KIF7: variants seen among roughly 807,000 people sequenced by gnomAD.
The protein encoded by KIF7 is kinesin-like protein KIF7.
In KIF7, 104 loss-of-function variants were observed where a neutral mutation model predicts 135.7. The ratio of observed to expected loss-of-function variants is 0.77; its 90% CI spans 0.65 to 0.90. The LOEUF is 0.90. Among genes scored for constraint, KIF7 ranks in the 40% least tolerant of loss-of-function variants. The pLI is 0.00. For synonymous variants in KIF7, 883 were observed against 809.4 expected, an observed-to-expected ratio of 1.09 and a Z score of -1.54; for missense variants, 2,005 against 1,839.1, an observed-to-expected ratio of 1.09 and a Z score of -1.65.
chr15:89,640,824 TA>T (rs10716351), intron 11 of KIF7, among the ~76,000 whole-genome samples: 104,892 of 134,552 alleles, frequency 0.78, 41,866 homozygotes, highest in Non-Finnish European at 0.9. Context: ...TGTCTCTACT[TA>T]AAAAAAAAAA....
intron 11 of KIF7, among the ~76,000 whole-genome samples, chr15:89,639,934 C>T (rs1167098802): frequency 1.3e-5 from 2 of 152,186 alleles, no homozygotes; most frequent in Non-Finnish European, 2.9e-5. Flanking sequence ...AAATGTGGCA[C>T]TTATACACCA....
rs1294321238 is a variant in KIF7 at position 89,618,021 on chromosome 15, C to A, written c.*75+8G>T. ...TCTTGACAATAATCACGTATGAGAG[C>A]CCTTTACCAGCACTGGTGTTATCAG... On this transcript the variant is annotated splice_region_variant and intron_variant and NMD_transcript_variant, in intron 2 of 2. Coordinates refer to the KIF7 transcript ENST00000558928. The A allele has an allele frequency of 1.2e-5, 11 of 904,210 alleles. No homozygotes were observed. In the East Asian group the frequency reaches 2.2e-4, roughly 18 times the overall value. The allele number at this position is 904,210 out of a possible 1,614,324, so 56.0% of individuals were successfully genotyped here.
the KIF7 span, among the ~76,000 whole-genome samples, chr15:89,661,044 C>A: frequency 2.6e-5 from 4 of 152,120 alleles, no homozygotes; most frequent in African/African-American, 9.7e-5. Flanking sequence ...GACCTATGAA[C>A]ATAAAAATAA....
chr15:89,646,802 C>G (rs754959093), intron 7 of KIF7, 28 bp downstream of exon 7: 1 of 1,607,262 alleles, frequency 6.2e-7, no homozygotes, highest in South Asian at 1.1e-5. Context: ...GCAGGGCCCA[C>G]AGACACCCAG....
intron 1 of KIF7, among the ~76,000 whole-genome samples, chr15:89,619,512 A>G (rs1175126785): frequency 6.6e-6 from 1 of 152,078 alleles, no homozygotes; most frequent in African/African-American, 2.4e-5. Flanking sequence ...GTGTTTTTTT[A>G]ATACCTTGTT....
Position 89,646,881 on chromosome 15 carries a change from C to T in KIF7, c.1737G>A (p.Val579=). 1 of 1,614,078 alleles carries T rather than the reference C, an allele frequency of 6.2e-7. No individual in the cohort carries two copies. Among genetic ancestry groups the T allele is most frequent in the Non-Finnish European group, 8.5e-7 (1 of 1,180,026 alleles). Residue 579 remains valine (V), a synonymous_variant, in exon 7 of 19, where the codon GTG becomes GTA. Transcript: ENST00000394412. ...CATCTCCAGGGAGGCAGGCAGGCGG[C>T]ACCATGCCCAGCACATGGGCGTGGG... The part of the protein sequence containing the change: ...GGAHAHVLGM[V]PPACLPGDEV...
intron 16 of KIF7, 72 bp downstream of exon 16, chr15:89,630,215 G>T: frequency 7.1e-7 from 1 of 1,403,728 alleles, no homozygotes; most frequent in South Asian, 1.2e-5. Flanking sequence ...ATCCGCTGGA[G>T]CAGCTGCCAT....
upstream of KIF7, among the ~76,000 whole-genome samples, chr15:89,658,160 GA>G (rs1964225481): frequency 6.6e-6 from 1 of 152,218 alleles, no homozygotes; most frequent in African/African-American, 2.4e-5. Flanking sequence ...TATTTCGAGA[GA>G]AACTCAAGGC....
intron 11 of KIF7, among the ~76,000 whole-genome samples, chr15:89,637,548 A>G (rs1301680487): frequency 1.5e-4 from 23 of 151,818 alleles, no homozygotes; most frequent in African/African-American, 4.4e-4. Context: ...ACACCTCTAC[A>G]CAAATAAACT....
intron 15 of KIF7, 112 bp from the exon 16 acceptor site, chr15:89,630,605 C>G: frequency 1.1e-6 from 1 of 903,958 alleles, no homozygotes; most frequent in East Asian, 2.6e-5. Context: ...AGGGTCCCCT[C>G]GTCCCAAGGG....
chr15:89,644,898 G>T, intron 10 of KIF7, 115 bp downstream of exon 10: 2 of 1,393,718 alleles, frequency 1.4e-6, no homozygotes, highest in Non-Finnish European at 2.0e-6. Flanking sequence ...TCAAACCTAG[G>T]CCATCCGGCC....
chr15:89,642,227 G>C lies in KIF7; in HGVS notation c.2370C>G (p.Val790=), dbSNP rs772086808. Residue 790 remains valine, a synonymous_variant, in exon 11 of 19, where the codon GTC becomes GTG. Transcript: ENST00000394412. ...RSRLQEFRRR[V]AAAQSQVQVL... ...CCTGCACCTGGCTCTGGGCCGCAGCGACCCTCCTGCGGAACTCCTGGAGCC... is the reference window on the plus strand; with the variant it reads ...CCTGCACCTGGCTCTGGGCCGCAGCCACCCTCCTGCGGAACTCCTGGAGCC... 1.2e-5 allele frequency: 20 copies of C among 1,610,214 alleles called. No homozygotes were observed. Among genetic ancestry groups the C allele is most frequent in the Non-Finnish European group, 1.6e-5 (19 of 1,179,624 alleles).
chr15:89,627,037 G>A, downstream of KIF7: 2 of 1,614,144 alleles, frequency 1.2e-6, no homozygotes, highest in Non-Finnish European at 1.7e-6. Context: ...CCCATCAGCA[G>A]AACTTATACA....
chr15:89,656,140 T>C (rs75664196), upstream of KIF7, among the ~76,000 whole-genome samples: 2,737 of 152,254 alleles, frequency 0.018, 86 homozygotes, highest in African/African-American at 0.062. Flanking sequence ...TTACCTGTCA[T>C]AGACAGGCAA....
rs377712806 is a variant in KIF7 at position 89,645,132 on chromosome 15, C to T, written c.2072G>A (p.Arg691His). ...VGGSKARVQA[R>H]QVPPATASEW... ...TGAGGCTGTGGCAGGGGGGACCTGG[C>T]GGGCCTGAACTCGGGCCTTGCTCCC... Residue 691 changes from arginine (R) to histidine (H), a missense_variant, in exon 10 of 19, where the codon CGC becomes CAC. Transcript: ENST00000394412. 124 of 1,604,614 alleles carry T rather than the reference C, an allele frequency of 7.7e-5. No homozygotes were observed. The highest frequency in any genetic ancestry group is 2.5e-4 in the African/African-American group (19 of 74,918).
At position 89,628,609 on chromosome 15, in the gene KIF7, C is replaced by A. The variant is rs143877028; in HGVS notation, c.3842G>T (p.Ser1281Ile). The change falls in exon 19 of 19, where the codon AGC (serine) becomes ATC (isoleucine). Residue 1281 changes from serine to isoleucine, a missense_variant. By Grantham distance (142) the Ser-to-Ile change is moderately radical. Transcript: ENST00000394412. ...APLPLTWKRS[S>I]LCGEEQGSPE... ...GGACCCCTGCTCCTCACCACACAGG[C>A]TCGAGCGTTTCCAGGTCAAGGGTAA... The A allele has an allele frequency of 2.5e-4, 402 of 1,613,460 alleles. 2 individuals carry two copies. In the African/African-American group the frequency reaches 4.6e-3, roughly 19 times the overall value.
chr15:89,625,094 C>G (rs1567053693), downstream of KIF7: 1 of 1,613,926 alleles, frequency 6.2e-7, no homozygotes, highest in Non-Finnish European at 8.5e-7. Context: ...GAGGAGAGCT[C>G]TCTGGGAGAA....
At chr15:89,618,101 G>C (rs1272717349) in exon 2 of KIF7, 2 of 1,562,540 alleles carry the variant, frequency 1.3e-6, no homozygotes, top group East Asian at 4.5e-5. Flanking sequence ...TCCTTAATAA[G>C]TGTTAATTAC....
intron 11 of KIF7, among the ~76,000 whole-genome samples, chr15:89,640,306 A>T (rs538735462): frequency 9.1e-4 from 137 of 151,278 alleles, no homozygotes; most frequent in Middle Eastern, 3.4e-3. Flanking sequence ...AATAAATTAA[A>T]AATAATAATA....
Sources: allele counts gnomAD v4.1 joint callset (sites outside exome capture counted in the v4.1 genomes callset), GRCh38; gene constraint gnomAD v4.1.1; transcripts MANE v1.5; gene names NCBI Gene and HGNC (gene_info 2026-07-23, HGNC 2026-07-21).